The following VGLL4 variants were observed in gnomAD, a reference collection of about 807,000 sequenced individuals.
VGLL4 encodes the protein vestigial like family member 4.
Under a neutral mutation model 21.0 loss-of-function variants are expected in VGLL4, and 7 were observed. The ratio of observed to expected loss-of-function variants is 0.33; its 90% CI spans 0.19 to 0.63. The LOEUF is 0.63. VGLL4 is among the 20% of genes least tolerant of loss of function. The probability of loss-of-function intolerance (pLI) is 0.78; values close to 1 mark genes in which losing one functional copy is unlikely to be tolerated. For missense variants in VGLL4, 394 were observed against 425.7 expected, an observed-to-expected ratio of 0.93 and a Z score of 0.66; for synonymous variants, 222 against 173.2, an observed-to-expected ratio of 1.28 and a Z score of -2.21.
intron 1 of VGLL4, chr3:11,633,676 CA>C (rs374897971): frequency 8.6e-5 from 13 of 151,254 alleles, no homozygotes; most frequent in Non-Finnish European, 1.8e-4. Context: ...CTCAAAAAAA[CA>C]AAAAAAAGAT....
intron 2 of VGLL4, among the ~76,000 whole-genome samples, chr3:11,673,436 A>AG (rs1417073286): frequency 2.0e-5 from 3 of 151,832 alleles, no homozygotes; most frequent in East Asian, 1.9e-4. Flanking sequence ...AAAGGGGGAA[A>AG]GGGGGGGAAG....
upstream of VGLL4, among the ~76,000 whole-genome samples, chr3:11,647,117 C>T (rs1380689287): frequency 6.6e-6 from 1 of 152,192 alleles, no homozygotes; most frequent in Non-Finnish European, 1.5e-5. Context: ...GAAGCTTGTG[C>T]TCCAGAGGGG....
intron 2 of VGLL4, among the ~76,000 whole-genome samples, chr3:11,654,591 A>G (rs1268269506): frequency 6.6e-6 from 1 of 152,258 alleles, no homozygotes; most frequent in African/African-American, 2.4e-5. Context: ...GGTATGAGAA[A>G]AAGATCATTT....
At chr3:11,610,432 G>A (rs1368428594) in intron 1 of VGLL4, 1 of 152,194 alleles carries the variant, frequency 6.6e-6, no homozygotes, top group African/African-American at 2.4e-5. Context: ...GTGACGTGCT[G>A]TCTGCCCAAG....
chr3:11,706,881 C>T (rs941814419), intron 1 of VGLL4, among the ~76,000 whole-genome samples: 2 of 152,186 alleles, frequency 1.3e-5, no homozygotes, highest in Admixed American at 6.5e-5. Context: ...AAGCTAAATT[C>T]AGGTGAGCCT....
At chr3:11,646,845 G>A (rs1028846237), upstream of VGLL4, among the ~76,000 whole-genome samples, 2 of 152,116 alleles carry the variant, frequency 1.3e-5, no homozygotes, top group Admixed American at 1.3e-4. Context: ...AGGCTAGCAC[G>A]GTGCTACCCA....
At position 11,677,592 on chromosome 3, in the gene VGLL4, G is replaced by A. The variant is rs1223768888; in HGVS notation, c.64+25379C>T. ...ACCCAGCCCAGATTGCAAATTTTTA[G>A]AAGTGCTATAGCGCGTATGAACAAA... On this transcript the variant is annotated intron_variant, in intron 2 of 5. Coordinates refer to the VGLL4 transcript ENST00000273038. Among the ~76,000 whole-genome samples, 6 of 152,048 alleles carry A rather than the reference G, an allele frequency of 3.9e-5. No individual in the cohort carries two copies. The East Asian group carries it at 7.7e-4, about 20-fold the overall frequency.
rs1195550152 is a variant in VGLL4 at position 11,558,719 on chromosome 3, A to G, written c.728T>C (p.Val243Ala). ...APNSVSITGS[V>A]DDHFAKALGD... ...CAGAGCTTTGGCAAAGTGGTCGTCCACGGAGCCCGTGATGGACACGGAGTT... is the reference window on the plus strand; with the variant it reads ...CAGAGCTTTGGCAAAGTGGTCGTCCGCGGAGCCCGTGATGGACACGGAGTT... Residue 243 changes from valine (V) to alanine (A), a missense_variant, in exon 5 of 5, where the codon GTG becomes GCG. Val to Ala is a moderately conservative substitution (Grantham distance 64, BLOSUM62 0). Coordinates refer to ENST00000430365, the MANE Select transcript of VGLL4 (RefSeq NM_001128219.3). The G allele has an allele frequency of 1.2e-6, 2 of 1,614,150 alleles. No individual in the cohort carries two copies. The highest frequency in any genetic ancestry group is 2.2e-5 in the East Asian group (1 of 44,874).
intron 3 of VGLL4, among the ~76,000 whole-genome samples, chr3:11,560,993 C>T (rs1422154760): frequency 6.6e-6 from 1 of 152,016 alleles, no homozygotes; most frequent in Non-Finnish European, 1.5e-5. Flanking sequence ...CAAGCAGCAG[C>T]AAGAGAGCAG....
At chr3:11,701,919 C>A (rs112982086) in intron 2 of VGLL4, among the ~76,000 whole-genome samples, 1 of 152,108 alleles carries the variant, frequency 6.6e-6, no homozygotes, top group African/African-American at 2.4e-5. Context: ...TGAACAAGAA[C>A]GTTTAAAAAT....
intron 2 of VGLL4, among the ~76,000 whole-genome samples, chr3:11,656,421 C>T (rs967591606): frequency 2.0e-5 from 3 of 152,150 alleles, no homozygotes; most frequent in Non-Finnish European, 2.9e-5. Flanking sequence ...GAGGAGTTCC[C>T]AGGGGTGCTG....
intron 2 of VGLL4, among the ~76,000 whole-genome samples, chr3:11,681,867 G>T (rs538481616): frequency 6.6e-6 from 1 of 152,164 alleles, no homozygotes; most frequent in Non-Finnish European, 1.5e-5. Context: ...GAAACAGGGC[G>T]ACGGCCATAA....
At chr3:11,706,275 G>A (rs2076759894) in intron 1 of VGLL4, among the ~76,000 whole-genome samples, 1 of 152,092 alleles carries the variant, frequency 6.6e-6, no homozygotes, top group African/African-American at 2.4e-5. Flanking sequence ...GGTATTAAAG[G>A]TTCATCCACA....
intron 2 of VGLL4, chr3:11,582,494 G>T: frequency 1.1e-6 from 1 of 874,132 alleles, no homozygotes; most frequent in Non-Finnish European, 1.7e-6. Context: ...TATGGGTCCT[G>T]GGGTAGGTCA....
intron 2 of VGLL4, among the ~76,000 whole-genome samples, chr3:11,685,767 T>C (rs139540716): frequency 5.6e-4 from 85 of 152,052 alleles, no homozygotes; most frequent in African/African-American, 2.0e-3. Flanking sequence ...AACTCAAAAA[T>C]GGGCAAAGCA....
At chr3:11,587,939 C>T (rs2596811) in intron 2 of VGLL4, among the ~76,000 whole-genome samples, 73,177 of 152,026 alleles carry the variant, frequency 0.48, 20,042 homozygotes, top group African/African-American at 0.72. Context: ...CCGACTGAAC[C>T]TCGCGCATGT....
intron 2 of VGLL4, among the ~76,000 whole-genome samples, chr3:11,675,932 T>A (rs965319209): frequency 6.6e-6 from 1 of 152,228 alleles, no homozygotes; most frequent in African/African-American, 2.4e-5. Flanking sequence ...CTGCTTGCCT[T>A]ACATAAAGAT....
At chr3:11,564,695 T>G (rs2073366193) in intron 3 of VGLL4, 102 bp downstream of exon 3, 1 of 1,288,034 alleles carries the variant, frequency 7.8e-7, no homozygotes, top group South Asian at 1.3e-5. Flanking sequence ...ACCACCTCCC[T>G]CCCTCACCAC....
chr3:11,661,819 C>A (rs547913521), intron 2 of VGLL4, among the ~76,000 whole-genome samples: 30 of 152,260 alleles, frequency 2.0e-4, no homozygotes, highest in Admixed American at 8.5e-4. Context: ...CATAGCCTCC[C>A]TGAAACAGGA....
Sources: allele counts gnomAD v4.1 joint callset (sites outside exome capture counted in the v4.1 genomes callset), GRCh38; gene constraint gnomAD v4.1.1; transcripts MANE v1.5; gene names NCBI Gene and HGNC (gene_info 2026-07-23, HGNC 2026-07-21).